Variants in CNMD observed in about 807,000 individuals in gnomAD.
The protein encoded by CNMD is chondromodulin.
A neutral mutation model predicts 37.5 loss-of-function variants in CNMD; 30 were observed. That is an observed-to-expected ratio of 0.80 (90% CI 0.60 to 1.09). CNMD has a LOEUF of 1.09. Ranked by LOEUF, CNMD falls within the 50% of genes least tolerant of loss-of-function variation. CNMD has a pLI of 0.00. For missense variants in CNMD, 398 were observed against 423.9 expected (o/e 0.94, Z 0.54); for synonymous variants, 167 against 148.2 (o/e 1.13, Z -0.92).
intron 6 of CNMD, among the ~76,000 whole-genome samples, chr13:52,705,236 A>T (rs1964155039): frequency 6.6e-6 from 1 of 152,174 alleles, no homozygotes; most frequent in Non-Finnish European, 1.5e-5. Flanking sequence ...CTAGTATTTT[A>T]AAGTAAATTC....
In CNMD at chr13:52,739,323, C is replaced by T. The variant is rs1321278676; in HGVS notation, c.73-152G>A. On this transcript the variant is annotated intron_variant, in intron 1 of 6. Transcript: ENST00000377962. This position sits in a 1 kb window ranked among gnomAD's most constrained non-coding sequence, Gnocchi z 5.4. ...GCTCCTACGGGTGCCCCTTTCGCCG[C>T]GCTCCCTCCCGAGGGTCCTTTGCAG... 1 of 916,120 alleles carries T rather than the reference C, an allele frequency of 1.1e-6. No individual in the cohort carries two copies. Among genetic ancestry groups the T allele is most frequent in the Non-Finnish European group, 1.6e-6 (1 of 640,044 alleles). The allele number at this position is 916,120 out of a possible 1,614,324, so 56.7% of individuals were successfully genotyped here. A position where few individuals can be genotyped will look rare whatever the true frequency, so the allele number is the denominator to read the frequency against.
rs1222322228 is a variant in CNMD, at chr13:52,724,087, A to G, written c.378T>C (p.Ala126=). 6.2e-7 allele frequency: 1 copy of G among 1,613,890 alleles called. No homozygotes were observed. Among genetic ancestry groups the G allele is most frequent in the South Asian group, 1.1e-5 (1 of 91,068 alleles). The stretch of plus-strand genomic sequence containing the variant: ...CTTTAATGTAGCACTTCTCTCCTCC[A>G]GCAAAACGAATTCCTGTGATGCCCT... ...FQNGITGIRF[A]GGEKCYIKAQ... Residue 126 remains alanine (A), a synonymous_variant, in exon 4 of 7, where the codon GCT becomes GCC. Transcript: ENST00000377962.
intron 4 of CNMD, among the ~76,000 whole-genome samples, chr13:52,723,117 A>T (rs1964510376): frequency 6.6e-6 from 1 of 151,726 alleles, no homozygotes. Context: ...TTTGAGATAG[A>T]GTCTCATTCT....
At chr13:52,736,158 T>C (rs1289227852) in intron 2 of CNMD, among the ~76,000 whole-genome samples, 1 of 152,196 alleles carries the variant, frequency 6.6e-6, no homozygotes, top group African/African-American at 2.4e-5. Flanking sequence ...CAGGCCCAGC[T>C]AATTTTTTTG....
At chr13:52,734,350 T>C (rs1196292728) in intron 2 of CNMD, among the ~76,000 whole-genome samples, 2 of 152,230 alleles carry the variant, frequency 1.3e-5, no homozygotes, top group African/African-American at 4.8e-5. Flanking sequence ...GGCTCTGCTT[T>C]TTCTGTCTTA....
At chr13:52,705,599 CA>C (rs1314121640) in intron 6 of CNMD, among the ~76,000 whole-genome samples, 4 of 152,164 alleles carry the variant, frequency 2.6e-5, no homozygotes, top group Non-Finnish European at 4.4e-5. Context: ...GAGGACCTGA[CA>C]AAAGTTTTAG....
intron 6 of CNMD, 88 bp from the exon 7 acceptor site, chr13:52,703,898 T>G: frequency 8.7e-7 from 1 of 1,150,296 alleles, no homozygotes; most frequent in Non-Finnish European, 1.3e-6. Flanking sequence ...TTCTGAATTT[T>G]TCACTGCTAC....
Position 52,733,330 on chromosome 13 carries a change from G to C in CNMD, c.243C>G (p.Ile81Met). ...TTGACCCATCTTGTAATTTCCCATT[G>C]ATACTCATGGTGTAATGGACATTGT... Reference protein sequence around the residue: ...HIYNVHYTMSINGKLQDGSME... With the variant: ...HIYNVHYTMSMNGKLQDGSME... Residue 81 changes from isoleucine (I) to methionine (M), a missense_variant, in exon 3 of 7, where the codon ATC becomes ATG. Coordinates refer to ENST00000377962, the MANE Select transcript of CNMD (RefSeq NM_007015.3). 1 of 1,613,460 alleles carries C rather than the reference G, an allele frequency of 6.2e-7. No homozygotes were observed. Among genetic ancestry groups the C allele is most frequent in the Non-Finnish European group, 8.5e-7 (1 of 1,179,426 alleles).
chr13:52,732,448 G>A (rs1028147185), intron 3 of CNMD, among the ~76,000 whole-genome samples: 5 of 152,152 alleles, frequency 3.3e-5, no homozygotes, highest in Admixed American at 2.0e-4. Flanking sequence ...GCCTGTAAAT[G>A]AAATTTTTGT....
At chr13:52,721,240 T>C (rs982973174) in intron 4 of CNMD, among the ~76,000 whole-genome samples, 4 of 152,190 alleles carry the variant, frequency 2.6e-5, no homozygotes, top group Non-Finnish European at 5.9e-5. Context: ...CTGGGCTCCA[T>C]GGGGGTGGGA....
intron 4 of CNMD, among the ~76,000 whole-genome samples, chr13:52,714,050 G>A (rs1301659926): frequency 1.3e-5 from 2 of 152,138 alleles, no homozygotes; most frequent in African/African-American, 4.8e-5. Context: ...GTGACCCAGT[G>A]GTAGCCAGTG....
intron 5 of CNMD, 69 bp downstream of exon 5, chr13:52,712,647 G>C: frequency 9.8e-7 from 1 of 1,024,792 alleles, no homozygotes; most frequent in Non-Finnish European, 1.3e-6. Context: ...CCTGTGGAGG[G>C]GGTTGGAGGA....
chr13:52,704,638 G>A (rs1256973398), intron 6 of CNMD, among the ~76,000 whole-genome samples: 1 of 152,148 alleles, frequency 6.6e-6, no homozygotes, highest in Non-Finnish European at 1.5e-5. Flanking sequence ...TGGTATTGAA[G>A]TGCATTCCCA....
intron 3 of CNMD, among the ~76,000 whole-genome samples, chr13:52,727,087 AC>A (rs1329491881): frequency 6.6e-6 from 1 of 151,904 alleles, no homozygotes; most frequent in African/African-American, 2.4e-5. Context: ...CCAACTATAA[AC>A]CCCATCTCTA....
chr13:52,735,894 A>G (rs186417148), intron 2 of CNMD, among the ~76,000 whole-genome samples: 362 of 149,800 alleles, frequency 2.4e-3, no homozygotes, highest in African/African-American at 8.4e-3. Context: ...CAGTGGCACA[A>G]TCTCGACTCA....
chr13:52,730,863 G>T (rs544929809), intron 3 of CNMD, among the ~76,000 whole-genome samples: 91 of 152,184 alleles, frequency 6.0e-4, no homozygotes, highest in African/African-American at 2.1e-3. Flanking sequence ...TCCGTCGGGG[G>T]TTGTTTTCTT....
At position 52,733,375 on chromosome 13, in the gene CNMD, A is replaced by G. The variant is rs776650588; in HGVS notation, c.214-16T>C. The G allele has an allele frequency of 1.9e-6, 3 of 1,613,552 alleles. No individual in the cohort carries two copies. Among genetic ancestry groups the G allele is most frequent in the Non-Finnish European group, 2.5e-6 (3 of 1,179,506 alleles). On this transcript the variant is annotated splice_polypyrimidine_tract_variant and intron_variant, in intron 2 of 6. Coordinates refer to ENST00000377962, the MANE Select transcript of CNMD (RefSeq NM_007015.3). ...CATTGTAAATCTGAAAGTGAGCATA[A>G]GAGTTAGTGATGCTTTCTTTTTTGA...
intron 3 of CNMD, among the ~76,000 whole-genome samples, chr13:52,727,183 C>T (rs1964589082): frequency 6.6e-6 from 1 of 151,964 alleles, no homozygotes; most frequent in African/African-American, 2.4e-5. Context: ...GCAGGAGAAT[C>T]GCTTGAACTC....
rs187679672 is a variant in CNMD at position 52,718,581 on chromosome 13, G to A, written c.468+5416C>T. Among the ~76,000 whole-genome samples, 76 of 152,200 alleles carry A rather than the reference G, an allele frequency of 5.0e-4. 2 individuals are homozygous for A. In the East Asian group the frequency reaches 0.014, roughly 28 times the overall value. On this transcript the variant is annotated intron_variant, in intron 4 of 6. Coordinates refer to ENST00000377962, the MANE Select transcript of CNMD (RefSeq NM_007015.3). ...GATTTCAAAGAACATCTTTATTTCT[G>A]CCTTCATTTTGTTATTTACCCAGTA...
Sources: gnomAD v4.1 joint callset for allele counts (sites outside exome capture counted in the v4.1 genomes callset) on GRCh38, gnomAD v4.1.1 for gene constraint, Gnocchi (gnomAD v3.1) non-coding constraint, MANE v1.5 for transcripts, NCBI Gene and HGNC (gene_info 2026-07-23, HGNC 2026-07-21) for gene names.